The following NEK10 variants were observed in gnomAD, a reference collection of about 807,000 sequenced individuals.
NEK10 encodes the protein serine/threonine-protein kinase Nek10.
NEK10 carries 122 observed loss-of-function variants against 159.8 expected under a neutral mutation model. The observed-to-expected ratio is 0.76, with a 90% CI of 0.66 to 0.89. The LOEUF is 0.89. NEK10 is among the 40% of genes least tolerant of loss of function. NEK10 has a pLI of 0.00. For missense variants in NEK10, 1,342 were observed against 1,323.1 expected (o/e 1.01, Z -0.22); for synonymous variants, 466 against 457.1 (o/e 1.02, Z -0.25).
intron 5 of NEK10, among the ~76,000 whole-genome samples, chr3:27,341,278 T>C (rs2047184972): frequency 6.6e-6 from 1 of 152,250 alleles, no homozygotes; most frequent in African/African-American, 2.4e-5. Context: ...ATGAGTTCCA[T>C]CATTTGACAG....
Position 27,111,219 on chromosome 3 carries a change from T to G in NEK10, c.*53A>C. On this transcript the variant is annotated 3_prime_UTR_variant, in exon 36 of 36. Transcript: ENST00000691995. ...GGGCATCTTGCAATAGCGGCTGAAGTCCAGAACTTGAACTTCACTGAGAAA... is the reference window on the plus strand; with the variant it reads ...GGGCATCTTGCAATAGCGGCTGAAGGCCAGAACTTGAACTTCACTGAGAAA... The G allele has an allele frequency of 6.5e-7, 1 of 1,547,454 alleles. No homozygotes were observed. Among genetic ancestry groups the G allele is most frequent in the Non-Finnish European group, 8.9e-7 (1 of 1,122,986 alleles).
chr3:27,203,656 G>C (rs561290677), intron 23 of NEK10, among the ~76,000 whole-genome samples: 24 of 152,200 alleles, frequency 1.6e-4, no homozygotes, highest in Middle Eastern at 3.4e-3. Flanking sequence ...TACTCTAATG[G>C]AGTAAAGATT....
Position 27,174,681 on chromosome 3 carries a change from A to C in NEK10, c.2658T>G (p.Asp886Glu), listed in dbSNP as rs1265594402. Residue 886 changes from aspartate (D) to glutamate (E), a missense_variant, in exon 27 of 36, where the codon GAT becomes GAG. Transcript: ENST00000691995. ...CAGCATTTTCCAGGTTGAAGTTATCATCTGACAGGATTTCGTCACAGGCCC... is the reference window on the plus strand; with the variant it reads ...CAGCATTTTCCAGGTTGAAGTTATCCTCTGACAGGATTTCGTCACAGGCCC... ...EDRACDEILS[D>E]DNFNLENAEK... is the part of the protein sequence containing the mutation. 6 of 1,612,184 alleles carry C rather than the reference A, an allele frequency of 3.7e-6. No homozygotes were observed. The highest frequency in any genetic ancestry group is 4.2e-6 in the Non-Finnish European group (5 of 1,179,366).
At chr3:27,278,681 T>A (rs978137441) in intron 22 of NEK10, 2 of 982,698 alleles carry the variant, frequency 2.0e-6, no homozygotes, top group African/African-American at 1.7e-5. Context: ...GTTTTGTTTT[T>A]TCTTTTCCTT....
In NEK10 at chr3:27,343,316, A is replaced by C. The variant is rs2047330517; in HGVS notation, c.362+956T>G. 3.3e-5 allele frequency among the ~76,000 whole-genome samples: 5 copies of C among 152,208 alleles called. No individual in the cohort carries two copies. The South Asian group carries it at 1.0e-3, about 32-fold the overall frequency. Reference sequence around the variant, plus strand: ...TGACTCGTCATGGAGGACCTGTCAGAATGCTGTTCTACTTAAAATCAGCTA... The same window carrying C: ...TGACTCGTCATGGAGGACCTGTCAGCATGCTGTTCTACTTAAAATCAGCTA... On this transcript the variant is annotated intron_variant, in intron 5 of 35. Transcript: ENST00000691995.
At chr3:27,253,964 C>T (rs1955918869) in intron 23 of NEK10, among the ~76,000 whole-genome samples, 1 of 152,142 alleles carries the variant, frequency 6.6e-6, no homozygotes. Flanking sequence ...CACGCCCTGG[C>T]ATGCCATAAG....
At chr3:27,275,842 G>C (rs1239341510) in intron 22 of NEK10, among the ~76,000 whole-genome samples, 1 of 152,012 alleles carries the variant, frequency 6.6e-6, no homozygotes, top group Non-Finnish European at 1.5e-5. Flanking sequence ...TGAAGATTCT[G>C]GCAATACAGG....
At position 27,283,560 on chromosome 3, in the gene NEK10, A is replaced by G. The variant is rs74823748; in HGVS notation, c.2014+1042T>C. Among the ~76,000 whole-genome samples, 2,124 of 152,232 alleles carry G rather than the reference A, an allele frequency of 0.014. 246 individuals carry two copies. In the East Asian group the frequency reaches 0.29, roughly 21 times the overall value. On this transcript the variant is annotated intron_variant, in intron 22 of 35. Transcript: ENST00000691995. ...TGCTGGTTTAGGAAGGTGTCTCCCT[A>G]ATTGTAGTTAGTGAACCATTAAAGT...
chr3:27,349,864 T>C (rs2047841356), intron 3 of NEK10, among the ~76,000 whole-genome samples: 1 of 152,222 alleles, frequency 6.6e-6, no homozygotes, highest in Admixed American at 6.5e-5. Flanking sequence ...GAGGCCTTTC[T>C]GCCTCTGTGT....
At chr3:27,258,467 G>A (rs62258166) in intron 22 of NEK10, among the ~76,000 whole-genome samples, 38,644 of 150,292 alleles carry the variant, frequency 0.26, 5,087 homozygotes, top group Middle Eastern at 0.38. Context: ...GAGAACATGC[G>A]GTGTTTGGTT....
chr3:27,228,115 TA>T (rs569218145), intron 23 of NEK10, among the ~76,000 whole-genome samples: 93 of 152,338 alleles, frequency 6.1e-4, no homozygotes, highest in African/African-American at 2.0e-3. Flanking sequence ...TTCTACATAT[TA>T]ATCATTATCT....
intron 5 of NEK10, among the ~76,000 whole-genome samples, chr3:27,330,952 C>T (rs937609935): frequency 1.3e-5 from 2 of 152,024 alleles, no homozygotes; most frequent in African/African-American, 4.8e-5. Flanking sequence ...AGACACAAAC[C>T]TGGCTGGATG....
At chr3:27,254,743 T>A (rs944075452) in intron 23 of NEK10, among the ~76,000 whole-genome samples, 1 of 152,130 alleles carries the variant, frequency 6.6e-6, no homozygotes, top group Admixed American at 6.6e-5. Flanking sequence ...AAAACAATCA[T>A]AGTACACATA....
At chr3:27,279,602 A>G (rs1404098211) in intron 22 of NEK10, among the ~76,000 whole-genome samples, 1 of 152,248 alleles carries the variant, frequency 6.6e-6, no homozygotes, top group Non-Finnish European at 1.5e-5. Flanking sequence ...TATTATATTT[A>G]AAGTATTTTT....
At chr3:27,284,151 C>T (rs920120823) in intron 22 of NEK10, among the ~76,000 whole-genome samples, 15 of 152,050 alleles carry the variant, frequency 9.9e-5, no homozygotes, top group African/African-American at 2.9e-4. Flanking sequence ...TTTGGGAGGA[C>T]GAGGAGGGTG....
At chr3:27,126,614 C>T (rs1359479615) in intron 32 of NEK10, among the ~76,000 whole-genome samples, 2 of 152,070 alleles carry the variant, frequency 1.3e-5, no homozygotes, top group Non-Finnish European at 2.9e-5. Context: ...AGCACAATCT[C>T]CACCCTTCCC....
At chr3:27,129,308 A>C (rs953349740) in intron 32 of NEK10, among the ~76,000 whole-genome samples, 21 of 152,166 alleles carry the variant, frequency 1.4e-4, no homozygotes, top group Admixed American at 1.3e-4. Flanking sequence ...TGGCTCCTTC[A>C]AACTAGGGAC....
chr3:27,167,910 T>G (rs1386516136), intron 29 of NEK10, among the ~76,000 whole-genome samples: 1 of 152,204 alleles, frequency 6.6e-6, no homozygotes, highest in African/African-American at 2.4e-5. Context: ...TTCCATTTGC[T>G]CATGTTGTAT....
chr3:27,213,175 C>A (rs1435231819), intron 23 of NEK10, among the ~76,000 whole-genome samples: 2 of 152,302 alleles, frequency 1.3e-5, no homozygotes, highest in South Asian at 2.1e-4. Flanking sequence ...TTAAATAAAT[C>A]TCTGTTTTTG....
Sources: allele counts gnomAD v4.1 joint callset (sites outside exome capture counted in the v4.1 genomes callset), GRCh38; gene constraint gnomAD v4.1.1; transcripts MANE v1.5; gene names NCBI Gene and HGNC (gene_info 2026-07-23, HGNC 2026-07-21).